PDGFA: variants seen among roughly 807,000 people sequenced by gnomAD.
PDGFA encodes platelet-derived growth factor subunit A.
PDGFA carries 9 observed loss-of-function variants against 25.6 expected under a neutral mutation model. That is an observed-to-expected ratio of 0.35 (90% CI 0.21 to 0.61). The LOEUF is 0.61. Among genes scored for constraint, PDGFA ranks in the 20% least tolerant of loss-of-function variants. The pLI is 0.75. For missense variants in PDGFA, 242 were observed against 272.8 expected (o/e 0.89, Z 0.79); for synonymous variants, 133 against 111.8 (o/e 1.19, Z -1.20).
Position 500,355 on chromosome 7 carries a change from C to T in PDGFA, c.580+761G>A, listed in dbSNP as rs1178394250. 7.3e-6 allele frequency: 11 copies of T among 1,501,512 alleles called. No homozygotes were observed. The highest frequency in any genetic ancestry group is 6.8e-5 in the East Asian group (3 of 44,192). 93.0% of individuals were successfully genotyped at this position (1,501,512 alleles called of 1,614,324 possible). A position where few individuals can be genotyped will look rare whatever the true frequency, so the allele number is the denominator to read the frequency against. ...CCGCCGCACCCGGCGAGACAGGAAG[C>T]GTGATTTGCTGGTGTGATCAGTCAG... On this transcript the variant is annotated intron_variant, in intron 5 of 5. Coordinates refer to ENST00000402802, the Ensembl canonical transcript of PDGFA. The surrounding 1 kb of genome is among the most constrained non-coding windows in gnomAD (Gnocchi z 5.0).
rs756740942 is a variant in PDGFA at position 500,936 on chromosome 7, G to A, written c.580+180C>T. 1 of 1,592,128 alleles carries A rather than the reference G, an allele frequency of 6.3e-7. No individual in the cohort carries two copies. The highest frequency in any genetic ancestry group is 1.1e-5 in the South Asian group (1 of 89,814). ...CCACCCTCCCCACCGGACACCTGCA[G>A]GTGTGGGATCCGTCTCCCCCGCAGG... On this transcript the variant is annotated intron_variant, in intron 5 of 5. Transcript: ENST00000402802. The surrounding 1 kb of genome is among the most constrained non-coding windows in gnomAD (Gnocchi z 5.0).
At chr7:510,406 C>T (rs543095661) in intron 4 of PDGFA, among the ~76,000 whole-genome samples, 73 of 146,296 alleles carry the variant, frequency 5.0e-4, no homozygotes, top group African/African-American at 1.6e-3. Flanking sequence ...CTCAGGCCTG[C>T]GTGGGGCAGG....
At chr7:508,559 CAAA>C (rs766165770) in intron 4 of PDGFA, among the ~76,000 whole-genome samples, 60 of 35,656 alleles carry the variant, frequency 1.7e-3, no homozygotes, top group East Asian at 3.4e-3. Context: ...GAAGCTGTCC[CAAA>C]AAAAAAAAAA....
At chr7:510,067 G>C (rs529495981) in intron 4 of PDGFA, among the ~76,000 whole-genome samples, 2 of 152,108 alleles carry the variant, frequency 1.3e-5, no homozygotes, top group African/African-American at 2.4e-5. Context: ...CATGCACCTC[G>C]GCCCCCACTG....
chr7:498,714 A>C (rs1032179051), intron 5 of PDGFA, 140 bp from the exon 6 acceptor site: 1 of 796,412 alleles, frequency 1.3e-6, no homozygotes, highest in East Asian at 2.7e-5. Flanking sequence ...GTTTTCAAGA[A>C]ATTTCCAGAA....
rs1436381008 is a variant in PDGFA, at chr7:512,338, C to T, written c.265+13G>A. The T allele has an allele frequency of 6.2e-7, 1 of 1,610,312 alleles. No individual in the cohort carries two copies. The highest frequency in any genetic ancestry group is 2.2e-5 in the East Asian group (1 of 44,828). ...CCGGCCCTGCCCTGCCCATCGCGGC[C>T]TCCTGGACTCACCGATGCTTCTCTT... is the stretch of plus-strand genomic sequence containing the variant. On this transcript the variant is annotated intron_variant, in intron 3 of 5. Coordinates refer to ENST00000402802, the Ensembl canonical transcript of PDGFA.
In PDGFA at chr7:500,179, C is replaced by T. The variant is rs1333749925; in HGVS notation, c.580+937G>A. ...ATTCATGTGCAATGCTCCTGCATCC[C>T]CAATCAACGACAAAGAGAAGGACAA... On this transcript the variant is annotated intron_variant, in intron 5 of 5. Coordinates refer to ENST00000402802, the Ensembl canonical transcript of PDGFA. This position sits in a 1 kb window ranked among gnomAD's most constrained non-coding sequence, Gnocchi z 5.0. 6.6e-6 allele frequency among the ~76,000 whole-genome samples: 1 copy of T among 152,206 alleles called. No individual in the cohort carries two copies. The highest frequency in any genetic ancestry group is 2.4e-5 in the African/African-American group (1 of 41,446).
rs144651263 is a variant in PDGFA, at chr7:507,706, G to T, written c.453+3103C>A. On this transcript the variant is annotated intron_variant, in intron 4 of 5. Coordinates refer to ENST00000402802, the Ensembl canonical transcript of PDGFA. ...CATCCCGGACTCAGAGCTCACAAGG[G>T]CCTCCAAAATATAACCAGGGAGGAT... 8.9e-3 allele frequency among the ~76,000 whole-genome samples: 1,348 copies of T among 152,304 alleles called. 19 individuals carry two copies. Among genetic ancestry groups the T allele is most frequent in the African/African-American group, 0.031 (1,271 of 41,550 alleles).
chr7:497,552 A>C (rs1327015025), exon 6 of PDGFA: 2 of 152,220 alleles, frequency 1.3e-5, no homozygotes, highest in Non-Finnish European at 2.9e-5. Context: ...CCGCGTGGGA[A>C]CACAGCATTC....
rs898539666 is a variant in PDGFA, at chr7:516,893, G to C, written c.160+501C>G. 7.1e-4 allele frequency among the ~76,000 whole-genome samples: 108 copies of C among 152,254 alleles called. 2 individuals are homozygous for C. Among genetic ancestry groups the C allele is most frequent in the African/African-American group, 2.4e-3 (101 of 41,576 alleles). ...TGCAGCCACAGAGGCCCAGCCCTGC[G>C]GCAAGAACGCGGCACCAGCTCGCAG... On this transcript the variant is annotated intron_variant, in intron 2 of 5. Transcript: ENST00000402802.
chr7:510,493 G>A lies in PDGFA; in HGVS notation c.453+316C>T, dbSNP rs1432394572. 4.1e-5 allele frequency among the ~76,000 whole-genome samples: 6 copies of A among 147,320 alleles called. 1 individual carries two copies. The highest frequency in any genetic ancestry group is 1.5e-4 in the African/African-American group (6 of 39,650). The stretch of plus-strand genomic sequence containing the variant: ...TAGGGGCGGCCCCGGGCTCGGGTGG[G>A]GAGGGGAGGGGAGGGGCAGGGCTCA... On this transcript the variant is annotated intron_variant, in intron 4 of 5. Coordinates refer to ENST00000402802, the Ensembl canonical transcript of PDGFA.
At chr7:510,705 T>TGGGGAGGGGA in intron 4 of PDGFA, 104 bp downstream of exon 4, 1 of 328,778 alleles carries the variant, frequency 3.0e-6, no homozygotes, top group South Asian at 2.5e-5. Context: ...CGGGCTTGGG[T>TGGGGAGGGGA]GGGGAGGGGA....
chr7:511,104 C>A, intron 3 of PDGFA, 108 bp from the exon 4 acceptor site: 2 of 806,286 alleles, frequency 2.5e-6, no homozygotes, highest in Non-Finnish European at 2.0e-6. Flanking sequence ...GGGTAAGCCA[C>A]AGGCCAGGAT....
rs538573695 is a variant in PDGFA, at chr7:500,985, C to G, written c.580+131G>C. ...GGCATCTGGCCCGGGAGCAGGGCAACGAATCCTTCAACAGCAGCCCAGATG... is the reference window on the plus strand; with the variant it reads ...GGCATCTGGCCCGGGAGCAGGGCAAGGAATCCTTCAACAGCAGCCCAGATG... On this transcript the variant is annotated intron_variant, in intron 5 of 5. Transcript: ENST00000402802. This position sits in a 1 kb window ranked among gnomAD's most constrained non-coding sequence, Gnocchi z 5.0. 27 of 1,600,772 alleles carry G rather than the reference C, an allele frequency of 1.7e-5. No individual in the cohort carries two copies. The African/African-American group carries it at 2.4e-4, about 14-fold the overall frequency.
rs1783150538 is a variant in PDGFA, at chr7:517,268, T to C, written c.160+126A>G. 1 of 318,256 alleles carries C rather than the reference T, an allele frequency of 3.1e-6. No individual in the cohort carries two copies. The highest frequency in any genetic ancestry group is 5.6e-6 in the Non-Finnish European group (1 of 178,692). 19.7% of individuals were successfully genotyped at this position (318,256 alleles called of 1,614,324 possible). On this transcript the variant is annotated intron_variant, in intron 2 of 5. Transcript: ENST00000402802. The surrounding 1 kb of genome is among the most constrained non-coding windows in gnomAD (Gnocchi z 7.4). The stretch of plus-strand genomic sequence containing the variant: ...CCTGACTCATCCGCCCGGGCGCTTA[T>C]GGCTGGGGATTGGATTCTGACCTTT...
chr7:501,002 G>C (rs1240764669), intron 5 of PDGFA, 114 bp downstream of exon 5: 3 of 1,605,156 alleles, frequency 1.9e-6, no homozygotes, highest in Non-Finnish European at 2.5e-6. Context: ...TTCAACAGCA[G>C]CCCAGATGCT....
At chr7:520,170 G>A, upstream of PDGFA, 3 of 263,852 alleles carry the variant, frequency 1.1e-5, no homozygotes, top group African/African-American at 4.7e-5. Context: ...GGAGGCCGCC[G>A]CAGAAGCGCC....
upstream of PDGFA, among the ~76,000 whole-genome samples, chr7:519,671 C>A (rs1447705915): frequency 1.4e-5 from 2 of 145,524 alleles, no homozygotes; most frequent in African/African-American, 4.9e-5. Context: ...CGCGGCCGAG[C>A]CGCCTGGCAG....
exon 6 of PDGFA, chr7:497,959 C>CAAACAAAAAAAAAAAAAAAAAAA (rs1782149409): frequency 1.8e-5 from 1 of 56,688 alleles, no homozygotes; most frequent in African/African-American, 7.6e-5. Flanking sequence ...AAAAAAAAAA[C>CAAACAAAAAAAAAAAAAAAAAAA]AAAAAAAAAA....
Sources: gnomAD v4.1 joint callset for allele counts (sites outside exome capture counted in the v4.1 genomes callset) on GRCh38, gnomAD v4.1.1 for gene constraint, Gnocchi (gnomAD v3.1) non-coding constraint, MANE v1.5 for transcripts, NCBI Gene and HGNC (gene_info 2026-07-23, HGNC 2026-07-21) for gene names.